LHFPL6: variants seen among roughly 807,000 people sequenced by gnomAD.
LHFPL6 encodes LHFPL tetraspan subfamily member 6.
Under a neutral mutation model 20.6 loss-of-function variants are expected in LHFPL6, and 9 were observed. The observed-to-expected ratio is 0.44, with a 90% CI of 0.26 to 0.76. The LOEUF (loss-of-function observed/expected upper bound fraction) is 0.76. Among genes scored for constraint, LHFPL6 ranks in the 30% least tolerant of loss-of-function variants. The pLI, the probability that LHFPL6 is intolerant of heterozygous loss-of-function variation, is 0.20. For missense variants in LHFPL6, 218 were observed against 253.5 expected, an observed-to-expected ratio of 0.86 and a Z score of 0.95; for synonymous variants, 105 against 98.7, an observed-to-expected ratio of 1.06 and a Z score of -0.38.
rs1470578598 is a variant in LHFPL6 at position 39,364,703 on chromosome 13, A to T, written c.484+13725T>A. Reference sequence around the variant, plus strand: ...AAGTTCTGGGATACACGTGCAGAACATGCGGATTTGTTGCATAGGTATACA... The same window carrying T: ...AAGTTCTGGGATACACGTGCAGAACTTGCGGATTTGTTGCATAGGTATACA... On this transcript the variant is annotated intron_variant, in intron 3 of 3. Coordinates refer to ENST00000379589, the MANE Select transcript of LHFPL6 (RefSeq NM_005780.3). Among the ~76,000 whole-genome samples, 51 of 152,196 alleles carry T rather than the reference A, an allele frequency of 3.4e-4. No homozygotes were observed. In the East Asian group the frequency reaches 9.9e-3, roughly 29 times the overall value.
chr13:39,558,809 T>G (rs1053944733), intron 2 of LHFPL6, among the ~76,000 whole-genome samples: 2 of 152,242 alleles, frequency 1.3e-5, no homozygotes, highest in Non-Finnish European at 2.9e-5. Context: ...TCTATCATTT[T>G]CTTAAATAAT....
intron 3 of LHFPL6, among the ~76,000 whole-genome samples, chr13:39,358,769 G>A (rs1030200473): frequency 2.6e-5 from 4 of 151,992 alleles, no homozygotes; most frequent in South Asian, 2.1e-4. Context: ...ATATACAAGC[G>A]GCCAACAAAC....
At chr13:39,391,152 T>A (rs1870700004) in intron 2 of LHFPL6, among the ~76,000 whole-genome samples, 1 of 152,228 alleles carries the variant, frequency 6.6e-6, no homozygotes, top group Non-Finnish European at 1.5e-5. Flanking sequence ...TGGCAGATAC[T>A]ACTTATCCCT....
At chr13:39,527,172 T>C (rs1870315994) in intron 2 of LHFPL6, among the ~76,000 whole-genome samples, 3 of 152,212 alleles carry the variant, frequency 2.0e-5, no homozygotes, top group African/African-American at 2.4e-5. Context: ...GTTTATGTTT[T>C]CCTTTGTCCA....
At chr13:39,483,318 G>A (rs1165680892) in intron 2 of LHFPL6, among the ~76,000 whole-genome samples, 1 of 152,112 alleles carries the variant, frequency 6.6e-6, no homozygotes, top group Non-Finnish European at 1.5e-5. Context: ...TCTAAGGCTT[G>A]TGCTTGGAGC....
At chr13:39,595,935 G>A (rs1872757245) in intron 2 of LHFPL6, among the ~76,000 whole-genome samples, 1 of 152,070 alleles carries the variant, frequency 6.6e-6, no homozygotes, top group Admixed American at 6.6e-5. Context: ...GCCAAGGGAC[G>A]TCCAGGACCA....
rs1252781050 is a variant in LHFPL6, at chr13:39,528,892, G to A, written c.385+71940C>T. Among the ~76,000 whole-genome samples, 3 of 151,978 alleles carry A rather than the reference G, an allele frequency of 2.0e-5. 1 individual carries two copies. The highest frequency in any genetic ancestry group is 3.4e-3 in the Middle Eastern group (1 of 294). ...TTTATTTTGTTGCTTAGACACTTTC[G>A]AAGGAAAAAAATGTATATGGCTTGA... On this transcript the variant is annotated intron_variant, in intron 2 of 3. Coordinates refer to ENST00000379589, the MANE Select transcript of LHFPL6 (RefSeq NM_005780.3).
At chr13:39,400,536 C>A (rs529367274) in intron 2 of LHFPL6, among the ~76,000 whole-genome samples, 5 of 152,204 alleles carry the variant, frequency 3.3e-5, no homozygotes, top group Admixed American at 3.3e-4. Context: ...GTAATCCCAG[C>A]ACTTTGGGAG....
chr13:39,473,339 CACAA>C (rs981346394), intron 2 of LHFPL6, among the ~76,000 whole-genome samples: 97 of 143,486 alleles, frequency 6.8e-4, no homozygotes, highest in African/African-American at 2.6e-3. Context: ...CTAGATCACA[CACAA>C]ACACACACAC....
chr13:39,424,931 A>G (rs1427743878), intron 2 of LHFPL6, among the ~76,000 whole-genome samples: 2 of 152,184 alleles, frequency 1.3e-5, no homozygotes, highest in African/African-American at 4.8e-5. Flanking sequence ...AACATATAAT[A>G]AATGCCACGT....
chr13:39,535,243 G>A (rs1338562894), intron 2 of LHFPL6, among the ~76,000 whole-genome samples: 1 of 152,212 alleles, frequency 6.6e-6, no homozygotes, highest in Non-Finnish European at 1.5e-5. Context: ...GTACCTGAAG[G>A]TAGGACTTTA....
At chr13:39,420,815 T>C (rs1418019914) in intron 2 of LHFPL6, among the ~76,000 whole-genome samples, 1 of 152,160 alleles carries the variant, frequency 6.6e-6, no homozygotes, top group Non-Finnish European at 1.5e-5. Context: ...ATAAAAACTG[T>C]TATAAGTTCT....
At chr13:39,441,910 A>G (rs1593314489) in intron 2 of LHFPL6, among the ~76,000 whole-genome samples, 1 of 144,366 alleles carries the variant, frequency 6.9e-6, no homozygotes, top group Non-Finnish European at 1.5e-5. Flanking sequence ...GCTCATTGCA[A>G]CCTCCGCCTC....
intron 2 of LHFPL6, among the ~76,000 whole-genome samples, chr13:39,459,773 T>A (rs1200553938): frequency 1.3e-5 from 2 of 152,178 alleles, no homozygotes; most frequent in Non-Finnish European, 2.9e-5. Flanking sequence ...AACATGATCA[T>A]GTGAACTTAG....
At chr13:39,498,833 T>C (rs1257815223) in intron 2 of LHFPL6, among the ~76,000 whole-genome samples, 1 of 152,172 alleles carries the variant, frequency 6.6e-6, no homozygotes, top group Non-Finnish European at 1.5e-5. Context: ...ATGGTGATAT[T>C]GTGAGGCTTT....
chr13:39,465,088 T>C (rs1872770804), intron 2 of LHFPL6, among the ~76,000 whole-genome samples: 1 of 152,182 alleles, frequency 6.6e-6, no homozygotes, highest in Non-Finnish European at 1.5e-5. Flanking sequence ...ACAGACTTAC[T>C]TGCTATGGCA....
At chr13:39,378,660 T>C in intron 2 of LHFPL6, 134 bp from the exon 3 acceptor site, 1 of 573,490 alleles carries the variant, frequency 1.7e-6, no homozygotes, top group Non-Finnish European at 3.0e-6. Flanking sequence ...ACAACTCTTT[T>C]AAGCAATCTA....
At chr13:39,525,866 C>CTTTT (rs11432667) in intron 2 of LHFPL6, among the ~76,000 whole-genome samples, 1 of 149,366 alleles carries the variant, frequency 6.7e-6, no homozygotes. Flanking sequence ...ATAATTTTTC[C>CTTTT]TTTTTTTTTT....
At chr13:39,393,996 A>G (rs999844315) in intron 2 of LHFPL6, among the ~76,000 whole-genome samples, 1 of 152,104 alleles carries the variant, frequency 6.6e-6, no homozygotes, top group Non-Finnish European at 1.5e-5. Flanking sequence ...GCTGGAGTAT[A>G]GTGGCCTGAT....
Sources: allele counts gnomAD v4.1 joint callset (sites outside exome capture counted in the v4.1 genomes callset), GRCh38; gene constraint gnomAD v4.1.1; transcripts MANE v1.5; gene names NCBI Gene and HGNC (gene_info 2026-07-23, HGNC 2026-07-21).